The following MAP3K5 variants were observed in gnomAD, a reference collection of about 807,000 sequenced individuals.
MAP3K5 encodes the protein ASK-1.
Under a neutral mutation model 158.7 loss-of-function variants are expected in MAP3K5, and 56 were observed. The ratio of observed to expected loss-of-function variants is 0.35; its 90% CI spans 0.28 to 0.44. The LOEUF (loss-of-function observed/expected upper bound fraction) is 0.44. Among genes scored for constraint, MAP3K5 ranks in the 20% least tolerant of loss-of-function variants. The pLI, the probability that MAP3K5 is intolerant of heterozygous loss-of-function variation, is 1.00. For synonymous variants in MAP3K5, 579 were observed against 601.7 expected (o/e 0.96, Z 0.55); for missense variants, 1,294 against 1,674.8 (o/e 0.77, Z 3.97).
In MAP3K5 at chr6:136,605,362, G is replaced by A. The variant is rs769612321; in HGVS notation, c.2526C>T (p.Thr842=). 10 of 1,606,558 alleles carry A rather than the reference G, an allele frequency of 6.2e-6. No individual in the cohort carries two copies. The African/African-American group carries it at 9.4e-5, about 15-fold the overall frequency. ...TTATTTCTGGTGCCATATACTGGAG[G>A]GTACCTGGAAACAATTCAAACACAT... ...INPCTETFTG[T]LQYMAPEIID... Residue 842 remains threonine (T), a synonymous_variant, in exon 19 of 30, where the codon ACC becomes ACT. Coordinates refer to ENST00000359015, the MANE Select transcript of MAP3K5 (RefSeq NM_005923.4).
At position 136,780,019 on chromosome 6, in the gene MAP3K5, G is replaced by A. The variant is rs371897988; in HGVS notation, c.448+11691C>T. ...TGGAGAGACAGGCATAGGGCCTGCTGAGAATGACCAACCTTCTGCAGGGAA... is the reference window on the plus strand; with the variant it reads ...TGGAGAGACAGGCATAGGGCCTGCTAAGAATGACCAACCTTCTGCAGGGAA... On this transcript the variant is annotated intron_variant, in intron 1 of 29. Coordinates refer to ENST00000359015, the MANE Select transcript of MAP3K5 (RefSeq NM_005923.4). Among the ~76,000 whole-genome samples, 35 of 152,306 alleles carry A rather than the reference G, an allele frequency of 2.3e-4. 2 individuals are homozygous for A. The highest frequency in any genetic ancestry group is 9.8e-4 in the Admixed American group (15 of 15,300).
At chr6:136,732,450 CAAAAA>C (rs146949203) in intron 1 of MAP3K5, among the ~76,000 whole-genome samples, 2,828 of 152,000 alleles carry the variant, frequency 0.019, 23 homozygotes, top group Non-Finnish European at 0.029. Flanking sequence ...AACAAACAAA[CAAAAA>C]GAAAACAAGG....
intron 1 of MAP3K5, among the ~76,000 whole-genome samples, chr6:136,762,734 G>C (rs1248038574): frequency 1.3e-5 from 2 of 152,142 alleles, no homozygotes; most frequent in African/African-American, 4.8e-5. Flanking sequence ...GGTTGCAGGT[G>C]AATTAAAGCA....
rs138381085 is a variant in MAP3K5 at position 136,620,091 on chromosome 6, G to A, written c.2150+2757C>T. On this transcript the variant is annotated intron_variant, in intron 15 of 29. Coordinates refer to ENST00000359015, the MANE Select transcript of MAP3K5 (RefSeq NM_005923.4). ...TCGAGACCAGCCTGGCCAACATGGT[G>A]AAACTCTGTCTCTATTAAAAACACA... 8.4e-3 allele frequency among the ~76,000 whole-genome samples: 1,282 copies of A among 152,266 alleles called. 12 individuals are homozygous for A. The highest frequency in any genetic ancestry group is 0.03 in the African/African-American group (1,231 of 41,542).
intron 18 of MAP3K5, among the ~76,000 whole-genome samples, chr6:136,606,132 C>T (rs930538052): frequency 5.9e-5 from 9 of 152,220 alleles, no homozygotes; most frequent in African/African-American, 2.2e-4. Flanking sequence ...GCAGACGGAT[C>T]ACGAGGTCAG....
chr6:136,640,816 T>C (rs774538762), intron 12 of MAP3K5, among the ~76,000 whole-genome samples: 6 of 152,210 alleles, frequency 3.9e-5, no homozygotes. Context: ...CCTAGTTGGA[T>C]TTTCTTCCAT....
At position 136,730,171 on chromosome 6, in the gene MAP3K5, T is replaced by G. The variant is rs1191712921; in HGVS notation, c.449-9582A>C. The stretch of plus-strand genomic sequence containing the variant: ...TTTGGTTGTTTTTTTTTTTTTGTTT[T>G]TTGTTTTTGTAGAAACAAGGTCTCA... On this transcript the variant is annotated intron_variant, in intron 1 of 29. Coordinates refer to ENST00000359015, the MANE Select transcript of MAP3K5 (RefSeq NM_005923.4). Among the ~76,000 whole-genome samples, 262 of 137,444 alleles carry G rather than the reference T, an allele frequency of 1.9e-3. 3 individuals carry two copies. Among genetic ancestry groups the G allele is most frequent in the East Asian group, 5.5e-3 (28 of 5,088 alleles). 90.2% of individuals were successfully genotyped at this position (137,444 alleles called of 152,430 possible). A position where few individuals can be genotyped will look rare whatever the true frequency, so the allele number is the denominator to read the frequency against.
intron 21 of MAP3K5, among the ~76,000 whole-genome samples, chr6:136,595,305 A>C (rs1775574493): frequency 1.3e-5 from 2 of 152,158 alleles, no homozygotes; most frequent in African/African-American, 2.4e-5. Context: ...GGGTTTCGCC[A>C]TGTCGGCCAG....
chr6:136,703,667 C>A (rs568731489), intron 3 of MAP3K5, among the ~76,000 whole-genome samples: 1 of 152,328 alleles, frequency 6.6e-6, no homozygotes, highest in South Asian at 2.1e-4. Flanking sequence ...GCAATAATTG[C>A]TCATTTCCTG....
chr6:136,589,861 C>T lies in MAP3K5; in HGVS notation c.3225+2312G>A, dbSNP rs1775308086. Among the ~76,000 whole-genome samples the T allele has an allele frequency of 7.2e-5, 11 of 152,166 alleles. No homozygotes were observed. The South Asian group carries it at 2.3e-3, about 32-fold the overall frequency. On this transcript the variant is annotated intron_variant, in intron 23 of 29. Coordinates refer to ENST00000359015, the MANE Select transcript of MAP3K5 (RefSeq NM_005923.4). ...CAGCCTCCAGAACTGTGAGAAAATA[C>T]ATTTCTGTTGTGTAAGCCACCCAGT...
intron 15 of MAP3K5, among the ~76,000 whole-genome samples, chr6:136,616,889 C>G (rs1776590090): frequency 1.3e-5 from 2 of 151,554 alleles, no homozygotes; most frequent in African/African-American, 2.4e-5. Flanking sequence ...CCACCATGCC[C>G]AGCTAATTTT....
chr6:136,757,931 A>G (rs1184930089), intron 1 of MAP3K5, among the ~76,000 whole-genome samples: 1 of 152,202 alleles, frequency 6.6e-6, no homozygotes, highest in Non-Finnish European at 1.5e-5. Flanking sequence ...AAATATCTGA[A>G]TATATTTTAG....
At chr6:136,782,400 A>G (rs912686632) in intron 1 of MAP3K5, among the ~76,000 whole-genome samples, 4 of 152,186 alleles carry the variant, frequency 2.6e-5, no homozygotes, top group Admixed American at 2.0e-4. Context: ...CTTGGGGTCA[A>G]TGGACAGGTA....
At chr6:136,650,838 A>C in intron 11 of MAP3K5, 146 bp downstream of exon 11, 1 of 472,960 alleles carries the variant, frequency 2.1e-6, no homozygotes, top group African/African-American at 2.0e-5. Flanking sequence ...AAGTTTTATA[A>C]TACGGAATGC....
intron 1 of MAP3K5, among the ~76,000 whole-genome samples, chr6:136,755,631 G>A (rs540155225): frequency 1.3e-5 from 2 of 149,464 alleles, no homozygotes; most frequent in Non-Finnish European, 3.0e-5. Context: ...CAAGGCTGCA[G>A]TGAGCCATGA....
At chr6:136,702,862 CTTG>C (rs1215767142) in intron 3 of MAP3K5, among the ~76,000 whole-genome samples, 3 of 151,888 alleles carry the variant, frequency 2.0e-5, no homozygotes, top group East Asian at 1.9e-4. Context: ...CACTTGGCTA[CTTG>C]TTGTATTTTT....
At chr6:136,564,810 T>C (rs1223628065) in intron 26 of MAP3K5, among the ~76,000 whole-genome samples, 1 of 151,996 alleles carries the variant, frequency 6.6e-6, no homozygotes, top group Non-Finnish European at 1.5e-5. Flanking sequence ...AACTTAGGAG[T>C]ATGCGTCTAT....
At chr6:136,570,101 T>A (rs975711571) in intron 25 of MAP3K5, among the ~76,000 whole-genome samples, 6 of 152,074 alleles carry the variant, frequency 3.9e-5, no homozygotes, top group Admixed American at 6.5e-5. Flanking sequence ...CTCTCCCGAG[T>A]CCATGAACCA....
chr6:136,788,535 G>T (rs1562708405), intron 1 of MAP3K5, among the ~76,000 whole-genome samples: 1 of 152,024 alleles, frequency 6.6e-6, no homozygotes, highest in African/African-American at 2.4e-5. Flanking sequence ...ATTTAAGAAA[G>T]GTCTACAAAT....
Sources: gnomAD v4.1 joint callset for allele counts (sites outside exome capture counted in the v4.1 genomes callset) on GRCh38, gnomAD v4.1.1 for gene constraint, MANE v1.5 for transcripts, NCBI Gene and HGNC (gene_info 2026-07-23, HGNC 2026-07-21) for gene names.